PTK2: variants seen among roughly 807,000 people sequenced by gnomAD.
The protein encoded by PTK2 is focal adhesion kinase 1.
In PTK2, 45 loss-of-function variants were observed where a neutral mutation model predicts 150.1. The ratio of observed to expected loss-of-function variants is 0.30; its 90% confidence interval spans 0.24 to 0.38. The LOEUF (loss-of-function observed/expected upper bound fraction) is 0.38, where lower values mean the gene tolerates loss of function less well. PTK2 is among the 10% of genes least tolerant of loss of function. The pLI, the probability that PTK2 is intolerant of heterozygous loss-of-function variation, is 1.00. For missense variants in PTK2, 919 were observed against 1,307.3 expected (o/e 0.70, Z 4.58); for synonymous variants, 432 against 449.2 (o/e 0.96, Z 0.48).
intron 14 of PTK2, among the ~76,000 whole-genome samples, chr8:140,780,128 G>T (rs886899622): frequency 1.3e-5 from 2 of 152,152 alleles, no homozygotes; most frequent in African/African-American, 4.8e-5. Context: ...TGCTCCCGAG[G>T]GTAATGAAGC....
intron 26 of PTK2, among the ~76,000 whole-genome samples, chr8:140,695,969 T>C (rs945564108): frequency 6.6e-6 from 1 of 152,212 alleles, no homozygotes; most frequent in Non-Finnish European, 1.5e-5. Context: ...CCAGGGTTCA[T>C]GTATGACTTG....
In PTK2 at chr8:140,764,310, T is replaced by G; in HGVS notation, c.1178-20A>C. 1 of 1,590,982 alleles carries G rather than the reference T, an allele frequency of 6.3e-7. No individual in the cohort carries two copies. Among genetic ancestry groups the G allele is most frequent in the Non-Finnish European group, 8.6e-7 (1 of 1,160,654 alleles). ...CTGTTTCTGCAGGAAAAGAAACAGA[T>G]ATGTTGAAAGAGGTTAAACATCTGA... is the stretch of plus-strand genomic sequence containing the variant. On this transcript the variant is annotated intron_variant, in intron 14 of 31. Coordinates refer to ENST00000522684, the Ensembl canonical transcript of PTK2.
intron 7 of PTK2, among the ~76,000 whole-genome samples, chr8:140,831,821 T>C (rs868519251): frequency 7.9e-5 from 12 of 152,312 alleles, no homozygotes; most frequent in Middle Eastern, 3.4e-3. Flanking sequence ...ATTTTGACAG[T>C]TGGATATGAA....
chr8:140,960,020 G>GA (rs1194218646), intron 1 of PTK2, among the ~76,000 whole-genome samples: 2,966 of 120,918 alleles, frequency 0.025, 100 homozygotes, highest in African/African-American at 0.08. Context: ...GTCTCAAAAA[G>GA]AAAAAAAAAA....
At chr8:140,855,361 C>T (rs1475419843) in intron 5 of PTK2, among the ~76,000 whole-genome samples, 3 of 152,048 alleles carry the variant, frequency 2.0e-5, no homozygotes, top group Non-Finnish European at 2.9e-5. Context: ...TTTGGGAGGC[C>T]GAGGCGGGTG....
chr8:140,934,183 A>G (rs868095235), intron 1 of PTK2, among the ~76,000 whole-genome samples: 16 of 152,236 alleles, frequency 1.1e-4, no homozygotes, highest in Middle Eastern at 3.2e-3. Flanking sequence ...GTTTACAATT[A>G]TAAGAAATTG....
chr8:140,691,943 C>T (rs1590386974), intron 26 of PTK2, among the ~76,000 whole-genome samples: 1 of 152,192 alleles, frequency 6.6e-6, no homozygotes, highest in Admixed American at 6.5e-5. Flanking sequence ...GGGCTTCAAT[C>T]AGTCAACAGA....
intron 1 of PTK2, among the ~76,000 whole-genome samples, chr8:140,962,080 T>C (rs2154609406): frequency 6.6e-6 from 1 of 151,410 alleles, no homozygotes; most frequent in South Asian, 2.1e-4. Context: ...CCGTCTCTAC[T>C]AAAAAAAATA....
rs373029883 is a variant in PTK2, at chr8:140,698,382, C to T, written c.2499+2509G>A. Among the ~76,000 whole-genome samples the T allele has an allele frequency of 3.9e-4, 59 of 152,318 alleles. No individual in the cohort carries two copies. In the East Asian group the frequency reaches 9.6e-3, roughly 25 times the overall value. ...AGGTTTAAAATGTAGGACTAGAGAA[C>T]AGTAGATATGTTCTTAGAATAGATA... On this transcript the variant is annotated intron_variant, in intron 26 of 31. Transcript: ENST00000522684.
At chr8:140,688,911 AG>A (rs1364559052) in intron 26 of PTK2, among the ~76,000 whole-genome samples, 2 of 152,214 alleles carry the variant, frequency 1.3e-5, no homozygotes, top group Admixed American at 6.5e-5. Context: ...TCAAACCTAG[AG>A]GCATGCAGTT....
chr8:140,848,588 C>G (rs2100127127), intron 5 of PTK2, among the ~76,000 whole-genome samples: 1 of 152,048 alleles, frequency 6.6e-6, no homozygotes, highest in Non-Finnish European at 1.5e-5. Flanking sequence ...CAAGACTGAC[C>G]AACCGGAACT....
chr8:140,995,759 C>A (rs2100197468), intron 1 of PTK2, among the ~76,000 whole-genome samples: 1 of 151,706 alleles, frequency 6.6e-6, no homozygotes, highest in Non-Finnish European at 1.5e-5. Flanking sequence ...GCCTGGGGCA[C>A]AAAGCGAGAC....
At chr8:140,674,130 A>G (rs773878223) in intron 29 of PTK2, 168 bp downstream of exon 32, 1 of 770,212 alleles carries the variant, frequency 1.3e-6, no homozygotes, top group South Asian at 1.4e-5. Flanking sequence ...TGACTCTCAG[A>G]GGGGTTCAGA....
At chr8:140,663,300 A>C (rs558147936) in intron 31 of PTK2, among the ~76,000 whole-genome samples, 1 of 151,818 alleles carries the variant, frequency 6.6e-6, no homozygotes, top group Non-Finnish European at 1.5e-5. Context: ...AACTCAAAGG[A>C]AAGTTGGGAG....
intron 16 of PTK2, among the ~76,000 whole-genome samples, chr8:140,758,195 G>C (rs1275202254): frequency 6.6e-6 from 1 of 152,084 alleles, no homozygotes. Context: ...GGGCTCAAAT[G>C]ATCTTTCCTC....
At chr8:140,912,244 A>G (rs902501380) in intron 2 of PTK2, among the ~76,000 whole-genome samples, 1 of 151,536 alleles carries the variant, frequency 6.6e-6, no homozygotes, top group Non-Finnish European at 1.5e-5. Context: ...CTCTGTCTCT[A>G]TAAAAGAAAA....
At chr8:140,685,793 G>A (rs2100019429) in intron 27 of PTK2, among the ~76,000 whole-genome samples, 2 of 152,198 alleles carry the variant, frequency 1.3e-5, no homozygotes, top group African/African-American at 4.8e-5. Flanking sequence ...TGGTGGGAAT[G>A]TAAATTACTT....
intron 1 of PTK2, among the ~76,000 whole-genome samples, chr8:140,959,720 T>C (rs1172076794): frequency 1.3e-5 from 2 of 151,272 alleles, no homozygotes; most frequent in Non-Finnish European, 3.0e-5. Context: ...GGCCCACGTA[T>C]AGCAGCTCAT....
intron 4 of PTK2, among the ~76,000 whole-genome samples, chr8:140,873,568 C>T (rs377528336): frequency 5.9e-5 from 9 of 152,100 alleles, no homozygotes; most frequent in East Asian, 1.9e-4. Flanking sequence ...CAGGTTCAAG[C>T]GATTCTCCTG....
Sources: gnomAD v4.1 joint callset for allele counts (sites outside exome capture counted in the v4.1 genomes callset) on GRCh38, gnomAD v4.1.1 for gene constraint, MANE v1.5 for transcripts, NCBI Gene and HGNC (gene_info 2026-07-23, HGNC 2026-07-21) for gene names.